CNTN5: variants seen among roughly 807,000 people sequenced by gnomAD.
CNTN5 encodes contactin 5.
In CNTN5, 77 loss-of-function variants were observed where a neutral mutation model predicts 129.1. The observed-to-expected ratio is 0.60, with a 90% CI of 0.50 to 0.72. CNTN5 has a LOEUF of 0.72. Ranked by LOEUF, CNTN5 falls within the 30% of genes least tolerant of loss-of-function variation. CNTN5 has a pLI of 0.00. For synonymous variants in CNTN5, 509 were observed against 465.6 expected, an observed-to-expected ratio of 1.09 and a Z score of -1.20; for missense variants, 1,478 against 1,328.8, an observed-to-expected ratio of 1.11 and a Z score of -1.75.
At chr11:99,680,057 A>G (rs1172841574) in intron 3 of CNTN5, among the ~76,000 whole-genome samples, 1 of 152,196 alleles carries the variant, frequency 6.6e-6, no homozygotes, top group Admixed American at 6.5e-5. Flanking sequence ...GAAGCTTAGT[A>G]CCTAGCAAAA....
rs1938728087 is a variant in CNTN5, at chr11:99,987,056, ATTATT to A, written c.878-14974_878-14970del. Among the ~76,000 whole-genome samples, 3 of 152,284 alleles carry A rather than the reference ATTATT, an allele frequency of 2.0e-5. No homozygotes were observed. In the South Asian group the frequency reaches 6.2e-4, roughly 32 times the overall value. ...TTTTTTCATAATTCCAGATTAGAAA[ATTATT>A]TTAAGTATCCCACAAAACAAAAAAG... On this transcript the variant is annotated intron_variant, in intron 8 of 24. Transcript: ENST00000524871.
intron 1 of CNTN5, among the ~76,000 whole-genome samples, chr11:99,164,583 G>A (rs922969565): frequency 6.6e-6 from 1 of 152,084 alleles, no homozygotes; most frequent in Non-Finnish European, 1.5e-5. Context: ...TACTCTTAAT[G>A]TGCTTAAATT....
At chr11:99,625,834 G>T (rs1951107049) in intron 3 of CNTN5, among the ~76,000 whole-genome samples, 1 of 151,666 alleles carries the variant, frequency 6.6e-6, no homozygotes. Context: ...GATGACGTAA[G>T]AAGTAGAAAG....
intron 1 of CNTN5, among the ~76,000 whole-genome samples, chr11:99,091,857 A>G (rs1866267609): frequency 6.6e-6 from 1 of 152,178 alleles, no homozygotes; most frequent in South Asian, 2.1e-4. Context: ...CCAAAGCAAA[A>G]TGGAGAAAAA....
At chr11:100,004,620 T>C (rs182686993) in intron 9 of CNTN5, among the ~76,000 whole-genome samples, 2 of 152,144 alleles carry the variant, frequency 1.3e-5, no homozygotes, top group Admixed American at 1.3e-4. Flanking sequence ...TTTAGTAAAG[T>C]GATGAGCTGA....
At chr11:99,533,029 C>T (rs1267300824) in intron 2 of CNTN5, among the ~76,000 whole-genome samples, 1 of 152,122 alleles carries the variant, frequency 6.6e-6, no homozygotes, top group Non-Finnish European at 1.5e-5. Flanking sequence ...TCGAGACCAG[C>T]CTGGCCAACA....
intron 3 of CNTN5, among the ~76,000 whole-genome samples, chr11:99,669,449 T>TGTG (rs1327694156): frequency 1.3e-5 from 1 of 76,380 alleles, no homozygotes; most frequent in Non-Finnish European, 3.1e-5. Flanking sequence ...ATGGTGTGTG[T>TGTG]GTGTGTGTGT....
In CNTN5 at chr11:99,338,919, G is replaced by GATATATAT. The variant is rs10534485; in HGVS notation, c.-71+13456_-71+13463dup. ...ATTTTATGTATTTTGTTCATTCACAGATATATATATATATATATATATATA... is the reference window on the plus strand; with the variant it reads ...ATTTTATGTATTTTGTTCATTCACAGATATATATATATATATATATATATATATATATA... On this transcript the variant is annotated intron_variant, in intron 2 of 24. Coordinates refer to ENST00000524871, the MANE Select transcript of CNTN5 (RefSeq NM_014361.4). Among the ~76,000 whole-genome samples the GATATATAT allele has an allele frequency of 5.6e-3, 713 of 126,916 alleles. 6 individuals carry two copies. Among genetic ancestry groups the GATATATAT allele is most frequent in the East Asian group, 0.026 (112 of 4,320 alleles). The allele number at this position is 126,916 out of a possible 152,430, so 83.3% of individuals were successfully genotyped here.
chr11:99,282,655 C>T (rs965406377), intron 1 of CNTN5, among the ~76,000 whole-genome samples: 75 of 152,090 alleles, frequency 4.9e-4, no homozygotes, highest in African/African-American at 1.7e-3. Flanking sequence ...AAATCTGGGG[C>T]GGTCTTTTGG....
At chr11:99,725,836 A>C (rs963222160) in intron 3 of CNTN5, among the ~76,000 whole-genome samples, 1 of 152,142 alleles carries the variant, frequency 6.6e-6, no homozygotes, top group Non-Finnish European at 1.5e-5. Context: ...AACACAAGCA[A>C]TACACTGCAG....
intron 2 of CNTN5, among the ~76,000 whole-genome samples, chr11:99,535,641 A>T (rs2135480854): frequency 6.6e-6 from 1 of 152,344 alleles, no homozygotes; most frequent in African/African-American, 2.4e-5. Flanking sequence ...CTACTGATTT[A>T]GAGAGAAGTG....
intron 6 of CNTN5, among the ~76,000 whole-genome samples, chr11:99,914,228 G>A (rs992440717): frequency 9.9e-5 from 15 of 151,982 alleles, no homozygotes; most frequent in African/African-American, 3.6e-4. Context: ...AGAGGGAGGA[G>A]GCTCTCAAAA....
chr11:100,306,816 G>A (rs1022148228), intron 20 of CNTN5, among the ~76,000 whole-genome samples: 2 of 151,626 alleles, frequency 1.3e-5, no homozygotes, highest in African/African-American at 4.8e-5. Flanking sequence ...TGAGATGAGG[G>A]AAACCACGGA....
Position 99,253,898 on chromosome 11 carries a change from TA to T in CNTN5, c.-209-71447del, listed in dbSNP as rs1252351609. ...AAATGTATTAACACAAATATACGTT[TA>T]TATATATATATATATATATATATAT... On this transcript the variant is annotated intron_variant, in intron 1 of 24. Transcript: ENST00000524871. Among the ~76,000 whole-genome samples, 11 of 18,848 alleles carry T rather than the reference TA, an allele frequency of 5.8e-4. No individual in the cohort carries two copies. The African/African-American group carries it at 6.8e-3, about 12-fold the overall frequency. The allele number at this position is 18,848 out of a possible 152,430, so 12.4% of individuals were successfully genotyped here.
In CNTN5 at chr11:99,330,621, T is replaced by G. The variant is rs573827654; in HGVS notation, c.-71+5137T>G. 1.5e-4 allele frequency among the ~76,000 whole-genome samples: 23 copies of G among 152,148 alleles called. 1 individual carries two copies. The South Asian group carries it at 4.8e-3, about 32-fold the overall frequency. On this transcript the variant is annotated intron_variant, in intron 2 of 24. Transcript: ENST00000524871. ...TGATGAGGTGCCACTCAATGGGAGA[T>G]GTACAAGAGATAGGGAAAATGTAAG...
chr11:100,002,969 A>G (rs1428258822), intron 9 of CNTN5, among the ~76,000 whole-genome samples: 1 of 152,142 alleles, frequency 6.6e-6, no homozygotes, highest in Non-Finnish European at 1.5e-5. Context: ...CTCCCACAAT[A>G]TAACTATAAA....
At chr11:99,659,952 A>G (rs1952534943) in intron 3 of CNTN5, among the ~76,000 whole-genome samples, 1 of 152,176 alleles carries the variant, frequency 6.6e-6, no homozygotes, top group Non-Finnish European at 1.5e-5. Flanking sequence ...ACATGTGGGC[A>G]GCTGACCTTT....
chr11:99,547,932 C>T (rs569793615), intron 2 of CNTN5, among the ~76,000 whole-genome samples: 3 of 152,182 alleles, frequency 2.0e-5, no homozygotes, highest in African/African-American at 4.8e-5. Context: ...TTTGCTTAAC[C>T]TTTCTGTGCC....
chr11:99,324,085 G>A (rs1487801003), intron 1 of CNTN5, among the ~76,000 whole-genome samples: 1 of 152,130 alleles, frequency 6.6e-6, no homozygotes, highest in Admixed American at 6.6e-5. Flanking sequence ...TAAAATTGCT[G>A]ATATTTCACT....
Sources: allele counts gnomAD v4.1 joint callset (sites outside exome capture counted in the v4.1 genomes callset), GRCh38; gene constraint gnomAD v4.1.1; transcripts MANE v1.5; gene names NCBI Gene and HGNC (gene_info 2026-07-23, HGNC 2026-07-21).